The following MCTP1 variants were observed in gnomAD, a reference collection of about 807,000 sequenced individuals.
MCTP1 encodes multiple C2 and transmembrane domain-containing protein 1.
MCTP1 carries 69 observed loss-of-function variants against 120.6 expected under a neutral mutation model. The ratio of observed to expected loss-of-function variants is 0.57; its 90% CI spans 0.47 to 0.70. The LOEUF (loss-of-function observed/expected upper bound fraction) is 0.70, where lower values mean the gene tolerates loss of function less well. MCTP1 is among the 30% of genes least tolerant of loss of function. The probability of loss-of-function intolerance (pLI) is 0.00; values close to 1 mark genes in which losing one functional copy is unlikely to be tolerated. For missense variants in MCTP1, 1,203 were observed against 1,248.8 expected, an observed-to-expected ratio of 0.96 and a Z score of 0.55; for synonymous variants, 529 against 493.1, an observed-to-expected ratio of 1.07 and a Z score of -0.96.
At position 95,284,319 on chromosome 5, in the gene MCTP1, T is replaced by C. The variant is rs1760579591; in HGVS notation, c.257A>G (p.Gln86Arg). Residue 86 changes from glutamine to arginine, a missense_variant, in exon 1 of 23, where the codon CAA (glutamine) becomes CGA (arginine). By Grantham distance (43) the Gln-to-Arg change is conservative (BLOSUM62 1). Coordinates refer to ENST00000515393, the MANE Select transcript of MCTP1 (RefSeq NM_024717.7). This position sits in a 1 kb window ranked among gnomAD's most constrained non-coding sequence, Gnocchi z 5.2. ...SRWSGFKKRK[Q>R]VLDRVFSSSQ... ...GGAGGAGAAGACTCGGTCCAGCACT[T>C]GCTTCCGCTTCTTGAAGCCGCTCCA... 6.3e-7 allele frequency: 1 copy of C among 1,597,350 alleles called. No individual in the cohort carries two copies. Among genetic ancestry groups the C allele is most frequent in the African/African-American group, 1.3e-5 (1 of 74,782 alleles).
intron 19 of MCTP1, among the ~76,000 whole-genome samples, chr5:94,720,069 T>C (rs1355527153): frequency 6.6e-6 from 1 of 151,996 alleles, no homozygotes; most frequent in Non-Finnish European, 1.5e-5. Flanking sequence ...GAGGTTGCGG[T>C]GAGCTGAGAT....
chr5:95,176,127 A>T (rs1390358355), intron 1 of MCTP1, among the ~76,000 whole-genome samples: 3 of 152,168 alleles, frequency 2.0e-5, no homozygotes, highest in African/African-American at 2.4e-5. Context: ...ATGTGAAAGG[A>T]CTTAAAAACT....
At chr5:95,120,987 T>G (rs907566765) in intron 1 of MCTP1, among the ~76,000 whole-genome samples, 1 of 152,078 alleles carries the variant, frequency 6.6e-6, no homozygotes, top group Non-Finnish European at 1.5e-5. Context: ...TAGGTAAAGT[T>G]GCAGGACATG....
At chr5:94,856,695 C>T (rs2153229044) in intron 17 of MCTP1, among the ~76,000 whole-genome samples, 1 of 151,722 alleles carries the variant, frequency 6.6e-6, no homozygotes, top group Non-Finnish European at 1.5e-5. Flanking sequence ...ATAAATTATC[C>T]TTTCTCTTAT....
chr5:94,997,043 A>G (rs1407640210), intron 2 of MCTP1, among the ~76,000 whole-genome samples: 3 of 152,124 alleles, frequency 2.0e-5, no homozygotes, highest in African/African-American at 7.2e-5. Flanking sequence ...GAGCTAAGGT[A>G]CTCGATCACC....
chr5:94,909,828 T>C (rs1435549782), intron 9 of MCTP1, among the ~76,000 whole-genome samples: 1 of 152,106 alleles, frequency 6.6e-6, no homozygotes, highest in African/African-American at 2.4e-5. Context: ...ATTGGAATCC[T>C]GACTTGAGTA....
intron 1 of MCTP1, among the ~76,000 whole-genome samples, chr5:95,233,080 T>G (rs1246438757): frequency 6.6e-6 from 1 of 152,214 alleles, no homozygotes; most frequent in Non-Finnish European, 1.5e-5. Context: ...AGTAAAAGTA[T>G]AGAAGGCTTG....
intron 17 of MCTP1, among the ~76,000 whole-genome samples, chr5:94,862,276 T>C (rs1270851087): frequency 6.6e-6 from 1 of 151,782 alleles, no homozygotes; most frequent in Non-Finnish European, 1.5e-5. Flanking sequence ...TTCTTCTTCT[T>C]GTAAATATGA....
chr5:95,096,064 CTAATGACA>C (rs1408776311), intron 1 of MCTP1, among the ~76,000 whole-genome samples: 2 of 152,156 alleles, frequency 1.3e-5, no homozygotes, highest in Non-Finnish European at 2.9e-5. Context: ...AAATGTGATA[CTAATGACA>C]TAAGTGATTT....
At chr5:95,006,187 G>C (rs1193690702) in intron 2 of MCTP1, among the ~76,000 whole-genome samples, 1 of 151,974 alleles carries the variant, frequency 6.6e-6, no homozygotes, top group East Asian at 1.9e-4. Flanking sequence ...TGAACAAAAT[G>C]ATGTTATTTG....
At chr5:94,782,497 T>C (rs897562450) in intron 18 of MCTP1, among the ~76,000 whole-genome samples, 2 of 152,142 alleles carry the variant, frequency 1.3e-5, no homozygotes, top group Non-Finnish European at 2.9e-5. Context: ...TCTAGCCAAA[T>C]GCAATGAACA....
intron 2 of MCTP1, among the ~76,000 whole-genome samples, chr5:94,981,407 A>T (rs1434849849): frequency 6.6e-6 from 1 of 152,214 alleles, no homozygotes; most frequent in Non-Finnish European, 1.5e-5. Flanking sequence ...TCTCAGAGTG[A>T]ATAAATTCTC....
At chr5:95,159,754 A>G (rs1019189398) in intron 1 of MCTP1, among the ~76,000 whole-genome samples, 4 of 152,126 alleles carry the variant, frequency 2.6e-5, no homozygotes, top group African/African-American at 7.2e-5. Context: ...GATGTTCCAT[A>G]CAGTGTAGAG....
chr5:95,013,520 A>G (rs1437994749), intron 2 of MCTP1, among the ~76,000 whole-genome samples: 1 of 152,136 alleles, frequency 6.6e-6, no homozygotes, highest in Admixed American at 6.6e-5. Context: ...GTTGATGCCA[A>G]TGCTCATTTA....
At chr5:94,866,727 T>A (rs1356986614) in intron 17 of MCTP1, among the ~76,000 whole-genome samples, 1 of 151,512 alleles carries the variant, frequency 6.6e-6, no homozygotes, top group Non-Finnish European at 1.5e-5. Context: ...CCTAAGTTGT[T>A]CAGAATTCCA....
At chr5:94,873,292 C>A (rs372326983) in intron 12 of MCTP1, 51 bp from the exon 13 acceptor site, 87 of 1,040,358 alleles carry the variant, frequency 8.4e-5, no homozygotes, top group Non-Finnish European at 1.3e-4. Flanking sequence ...ACCCACAGTT[C>A]ACAGTGTCAA....
intron 1 of MCTP1, among the ~76,000 whole-genome samples, chr5:95,097,555 C>A (rs1400820654): frequency 1.3e-5 from 2 of 152,082 alleles, no homozygotes; most frequent in African/African-American, 4.8e-5. Context: ...CTTGGAAACA[C>A]CTTCAATGCA....
chr5:94,775,913 A>G (rs1006356888), intron 19 of MCTP1, among the ~76,000 whole-genome samples: 3 of 147,830 alleles, frequency 2.0e-5, no homozygotes, highest in African/African-American at 7.4e-5. Context: ...AAAAACAACT[A>G]ATATATATAT....
chr5:95,055,399 A>T (rs1204821358), intron 1 of MCTP1, among the ~76,000 whole-genome samples: 2 of 152,212 alleles, frequency 1.3e-5, no homozygotes, highest in Admixed American at 1.3e-4. Context: ...ATTGGGAAAA[A>T]TATTTAATAG....
Sources: gnomAD v4.1 joint callset for allele counts (sites outside exome capture counted in the v4.1 genomes callset) on GRCh38, gnomAD v4.1.1 for gene constraint, Gnocchi (gnomAD v3.1) non-coding constraint, MANE v1.5 for transcripts, NCBI Gene and HGNC (gene_info 2026-07-23, HGNC 2026-07-21) for gene names.